The following CASK variants were observed in gnomAD, a reference collection of about 807,000 sequenced individuals.
CASK encodes calcium/calmodulin dependent serine protein kinase, also known as peripheral plasma membrane protein CASK.
Under a neutral mutation model 82.9 loss-of-function variants are expected in CASK, and 4 were observed. The ratio of observed to expected loss-of-function variants is 0.05; its 90% confidence interval spans 0.02 to 0.11. The LOEUF (loss-of-function observed/expected upper bound fraction) is 0.11, where lower values mean the gene tolerates loss of function less well. CASK is among the 10% of genes least tolerant of loss of function. CASK has a pLI of 1.00. For synonymous variants in CASK, 259 were observed against 253.5 expected (o/e 1.02, Z -0.20); for missense variants, 358 against 720.9 (o/e 0.50, Z 5.76).
At chrX:41,772,120 G>T (rs1281960055) in intron 3 of CASK, among the ~76,000 whole-genome samples, 3 of 110,655 alleles carry the variant, frequency 2.7e-5, no homozygotes, top group East Asian at 5.6e-4. Context: ...AGAGGCCGAG[G>T]CAGGCGGATC....
At chrX:41,696,935 G>T in intron 5 of CASK, 1 of 367,885 alleles carries the variant, frequency 2.7e-6, no homozygotes, top group Non-Finnish European at 4.8e-6. Flanking sequence ...ACCATTTCAA[G>T]GTACTAACTT....
intron 5 of CASK, among the ~76,000 whole-genome samples, chrX:41,700,175 G>T (rs1354359618): frequency 9.0e-6 from 1 of 111,672 alleles, no homozygotes; most frequent in Non-Finnish European, 1.9e-5. Flanking sequence ...GTTTGATGGT[G>T]GTTGAATTTC....
At chrX:41,764,941 C>T in intron 3 of CASK, among the ~76,000 whole-genome samples, 2 of 112,449 alleles carry the variant, frequency 1.8e-5, no homozygotes, top group Middle Eastern at 9.2e-3. Flanking sequence ...CTGTGAACCT[C>T]TTGAGCTCTC....
At chrX:41,788,411 G>A (rs1001601912) in intron 2 of CASK, among the ~76,000 whole-genome samples, 19 of 111,506 alleles carry the variant, frequency 1.7e-4, no homozygotes, top group East Asian at 5.6e-4. Flanking sequence ...GGCTTTACCC[G>A]TTTGCTGATG....
At chrX:41,891,846 A>AT (rs1228291114) in intron 1 of CASK, among the ~76,000 whole-genome samples, 1 of 112,146 alleles carries the variant, frequency 8.9e-6, no homozygotes, top group Non-Finnish European at 1.9e-5. Flanking sequence ...TATAGAAAGA[A>AT]TTTTTTTTAA....
At chrX:41,902,824 T>C (rs1015507741) in intron 1 of CASK, among the ~76,000 whole-genome samples, 12 of 112,318 alleles carry the variant, frequency 1.1e-4, no homozygotes, top group African/African-American at 3.9e-4. Context: ...CAGGTATCTT[T>C]TTACCATTAA....
In CASK at chrX:41,711,662, T is replaced by C. The variant is rs146162869; in HGVS notation, c.429+27722A>G. Among the ~76,000 whole-genome samples the C allele has an allele frequency of 1.2e-3, 139 of 111,343 alleles. 2 individuals are homozygous for C. Among genetic ancestry groups the C allele is most frequent in the African/African-American group, 4.4e-3 (136 of 30,563 alleles). ...ATTGATCCCCGCCCCTCACCTATTT[T>C]ACATATACCTACCCTTCCCTAATTG... On this transcript the variant is annotated intron_variant, in intron 5 of 26. Coordinates refer to ENST00000378163, the MANE Select transcript of CASK (RefSeq NM_001367721.1).
chrX:41,843,866 C>T (rs924306686), intron 2 of CASK, among the ~76,000 whole-genome samples: 1 of 111,292 alleles, frequency 9.0e-6, no homozygotes, highest in Middle Eastern at 4.3e-3. Context: ...TATGTCATTC[C>T]TTTTTATGGT....
At chrX:41,853,494 T>G (rs745685400) in intron 1 of CASK, among the ~76,000 whole-genome samples, 14 of 112,390 alleles carry the variant, frequency 1.2e-4, no homozygotes, top group African/African-American at 4.2e-4. Flanking sequence ...TTAAAAATTC[T>G]AAATAGTAGT....
At chrX:41,559,547 G>T in intron 18 of CASK, 1 of 404,283 alleles carries the variant, frequency 2.5e-6, no homozygotes, top group Non-Finnish European at 4.4e-6. Context: ...TCTACATTTT[G>T]CTCAGATTTC....
chrX:41,775,526 C>T (rs1209166503), intron 3 of CASK, among the ~76,000 whole-genome samples: 4 of 105,404 alleles, frequency 3.8e-5, no homozygotes, highest in Non-Finnish European at 7.9e-5. Flanking sequence ...CCAGCCATCC[C>T]ATTACTGGGT....
intron 5 of CASK, among the ~76,000 whole-genome samples, chrX:41,672,574 A>G (rs1602441498): frequency 8.9e-6 from 1 of 111,755 alleles, no homozygotes; most frequent in African/African-American, 3.3e-5. Context: ...AGCCAACATA[A>G]TAGGTATAAA....
At position 41,531,019 on chromosome X, in the gene CASK, G is replaced by A. The variant is rs375734729; in HGVS notation, c.2508C>T (p.Asp836=). Residue 836 remains aspartate (D), a synonymous_variant, in exon 25 of 27, where the codon GAC becomes GAT. Coordinates refer to ENST00000378163, the MANE Select transcript of CASK (RefSeq NM_001367721.1). ...GGCTGGGCATTACCTGAGGCTCCACGTCCAGTATTGCAATCAGCCCCTGCT... is the reference window on the plus strand; with the variant it reads ...GGCTGGGCATTACCTGAGGCTCCACATCCAGTATTGCAATCAGCCCCTGCT... ...IHEQGLIAIL[D]VEPQALKVLR... is the part of the protein sequence containing the mutation. The A allele has an allele frequency of 2.5e-5, 30 of 1,208,060 alleles. 1 individual carries two copies. The highest frequency in any genetic ancestry group is 4.6e-4 in the Middle Eastern group (2 of 4,341).
chrX:41,791,820 C>T (rs1312517538), intron 2 of CASK, among the ~76,000 whole-genome samples: 2 of 109,795 alleles, frequency 1.8e-5, no homozygotes, highest in Admixed American at 9.7e-5. Flanking sequence ...GTTGTACTTT[C>T]TTTTTTGTAA....
chrX:41,866,188 G>T (rs772547196), intron 1 of CASK, among the ~76,000 whole-genome samples: 34 of 112,792 alleles, frequency 3.0e-4, no homozygotes, highest in South Asian at 3.7e-4. Context: ...AGGGCCAGGG[G>T]CTTTGCTGCT....
chrX:41,829,626 G>T (rs1386574261), intron 2 of CASK, among the ~76,000 whole-genome samples: 2 of 30,706 alleles, frequency 6.5e-5, no homozygotes, highest in Non-Finnish European at 1.0e-4. Flanking sequence ...TTTTTGGGGG[G>T]GTGGGGGTGA....
intron 8 of CASK, among the ~76,000 whole-genome samples, chrX:41,652,126 A>G (rs962892831): frequency 7.2e-5 from 8 of 111,205 alleles, no homozygotes; most frequent in Non-Finnish European, 1.1e-4. Flanking sequence ...AGAGTATTCT[A>G]GGGAAGGGTC....
rs148645891 is a variant in CASK at position 41,549,511 on chromosome X, T to C, written c.2039+4208A>G. On this transcript the variant is annotated intron_variant, in intron 21 of 26. Coordinates refer to ENST00000378163, the MANE Select transcript of CASK (RefSeq NM_001367721.1). ...ACAAATTTATCAGTTTTGATATCTG[T>C]AAACATCCCATGAAACTATCACTAC... 2.8e-3 allele frequency among the ~76,000 whole-genome samples: 314 copies of C among 112,213 alleles called. 2 individuals carry two copies. Among genetic ancestry groups the C allele is most frequent in the African/African-American group, 9.5e-3 (293 of 30,919 alleles).
At chrX:41,676,056 G>A (rs2067259765) in intron 5 of CASK, 1 of 1,202,936 alleles carries the variant, frequency 8.3e-7, no homozygotes, top group East Asian at 3.0e-5. Flanking sequence ...TGGTATGCTT[G>A]TTGTGACTGA....
Sources: gnomAD v4.1 joint callset for allele counts (sites outside exome capture counted in the v4.1 genomes callset) on GRCh38, gnomAD v4.1.1 for gene constraint, MANE v1.5 for transcripts, NCBI Gene and HGNC (gene_info 2026-07-23, HGNC 2026-07-21) for gene names.